FHIT: variants seen among roughly 807,000 people sequenced by gnomAD.
FHIT encodes the protein fragile histidine triad diadenosine triphosphatase, also known as bis(5'-adenosyl)-triphosphatase.
A neutral mutation model predicts 17.9 loss-of-function variants in FHIT; 19 were observed. The observed-to-expected ratio is 1.06, with a 90% CI of 0.74 to 1.56. The LOEUF (loss-of-function observed/expected upper bound fraction) is 1.56, where lower values mean the gene tolerates loss of function less well. Among genes scored for constraint, FHIT ranks in the 40% most tolerant of loss-of-function variants. The pLI is 0.00. For missense variants in FHIT, 248 were observed against 189.2 expected, an observed-to-expected ratio of 1.31 and a Z score of -1.82; for synonymous variants, 81 against 69.7, an observed-to-expected ratio of 1.16 and a Z score of -0.81.
chr3:61,143,133 T>C (rs978480446), intron 2 of FHIT, among the ~76,000 whole-genome samples: 1 of 152,212 alleles, frequency 6.6e-6, no homozygotes, highest in African/African-American at 2.4e-5. Context: ...CCAACTGCTT[T>C]TTAAATTACA....
In FHIT at chr3:60,958,486, T is replaced by C. The variant is rs73836070; in HGVS notation, c.-111+83561A>G. Among the ~76,000 whole-genome samples, 904 of 152,370 alleles carry C rather than the reference T, an allele frequency of 5.9e-3. 7 individuals are homozygous for C. The highest frequency in any genetic ancestry group is 0.021 in the African/African-American group (872 of 41,586). On this transcript the variant is annotated intron_variant, in intron 3 of 9. Coordinates refer to ENST00000492590, the MANE Select transcript of FHIT (RefSeq NM_002012.4). The stretch of plus-strand genomic sequence containing the variant: ...TAGTATTATTTATACTTAAGTCTTG[T>C]TCTTTAGCAATTATTAAAGGTTACA...
chr3:60,612,816 A>G (rs944824986), intron 4 of FHIT, among the ~76,000 whole-genome samples: 2 of 152,238 alleles, frequency 1.3e-5, no homozygotes, highest in Non-Finnish European at 2.9e-5. Context: ...GCTGTGGCAG[A>G]CATTATTAAT....
chr3:60,066,705 G>C (rs963667078), intron 5 of FHIT, among the ~76,000 whole-genome samples: 40 of 123,796 alleles, frequency 3.2e-4, no homozygotes, highest in African/African-American at 1.2e-3. Context: ...CACCCAGGCT[G>C]GAGTGCAGAG....
At chr3:61,080,091 G>T (rs2035089635) in intron 2 of FHIT, among the ~76,000 whole-genome samples, 1 of 151,994 alleles carries the variant, frequency 6.6e-6, no homozygotes, top group African/African-American at 2.4e-5. Flanking sequence ...CACACAGAAA[G>T]CATTCATATT....
At chr3:60,314,063 G>A (rs572903037) in intron 5 of FHIT, among the ~76,000 whole-genome samples, 3 of 152,026 alleles carry the variant, frequency 2.0e-5, no homozygotes, top group Admixed American at 2.0e-4. Context: ...AAATGAAGCC[G>A]AATAGTTTAA....
chr3:60,200,205 G>A (rs761674806), intron 5 of FHIT, among the ~76,000 whole-genome samples: 1 of 152,148 alleles, frequency 6.6e-6, no homozygotes, highest in Non-Finnish European at 1.5e-5. Context: ...ACACTGGATT[G>A]TGGGTGCTCC....
chr3:60,241,956 G>C (rs1705151444), intron 5 of FHIT, among the ~76,000 whole-genome samples: 1 of 151,938 alleles, frequency 6.6e-6, no homozygotes, highest in Admixed American at 6.6e-5. Flanking sequence ...TAGCTCCTAG[G>C]TAGAGAAAAA....
intron 5 of FHIT, among the ~76,000 whole-genome samples, chr3:60,122,956 T>C (rs1478078091): frequency 1.3e-5 from 2 of 152,232 alleles, no homozygotes; most frequent in African/African-American, 2.4e-5. Flanking sequence ...TTTTGGCTTC[T>C]AGTGCTGAGC....
At chr3:59,888,074 C>T (rs1177663547) in intron 8 of FHIT, among the ~76,000 whole-genome samples, 3 of 152,108 alleles carry the variant, frequency 2.0e-5, no homozygotes, top group African/African-American at 7.2e-5. Context: ...TAACTTTTAT[C>T]CCCAATTTGT....
chr3:60,067,948 C>G (rs1702591082), intron 5 of FHIT, among the ~76,000 whole-genome samples: 1 of 152,130 alleles, frequency 6.6e-6, no homozygotes, highest in East Asian at 1.9e-4. Context: ...CAACAAATCA[C>G]TCAGGGGCCC....
intron 5 of FHIT, among the ~76,000 whole-genome samples, chr3:60,382,534 C>T (rs1342017981): frequency 6.6e-6 from 1 of 152,110 alleles, no homozygotes; most frequent in Non-Finnish European, 1.5e-5. Context: ...ACAAGTAACA[C>T]CGATAATTTT....
At position 60,842,063 on chromosome 3, in the gene FHIT, T is replaced by C. The variant is rs553456524; in HGVS notation, c.-110-20052A>G. On this transcript the variant is annotated intron_variant, in intron 3 of 9. Transcript: ENST00000492590. ...AGGACGCTCCGAGGGCCTACACAAC[T>C]GTCATCAAGCATGTTAGGACATCCT... Among the ~76,000 whole-genome samples, 6 of 152,236 alleles carry C rather than the reference T, an allele frequency of 3.9e-5. No individual in the cohort carries two copies. The South Asian group carries it at 1.0e-3, about 26-fold the overall frequency.
At position 60,324,359 on chromosome 3, in the gene FHIT, T is replaced by A. The variant is rs1424157605; in HGVS notation, c.103+212501A>T. 1.1e-4 allele frequency among the ~76,000 whole-genome samples: 3 copies of A among 26,550 alleles called. No homozygotes were observed. The Admixed American group carries it at 1.5e-3, about 13-fold the overall frequency. The allele number at this position is 26,550 out of a possible 152,430, so 17.4% of individuals were successfully genotyped here. On this transcript the variant is annotated intron_variant, in intron 5 of 9. Transcript: ENST00000492590. Reference sequence around the variant, plus strand: ...CCAGAACTTTGGAGGCTGAGGCTGGTGAATCATGAGGTCAGGAGATGGAGA... The same window carrying A: ...CCAGAACTTTGGAGGCTGAGGCTGGAGAATCATGAGGTCAGGAGATGGAGA...
At chr3:59,888,015 T>G (rs181699231) in intron 8 of FHIT, among the ~76,000 whole-genome samples, 80 of 152,304 alleles carry the variant, frequency 5.3e-4, no homozygotes, top group Non-Finnish European at 1.0e-3. Context: ...AATTCAGTCT[T>G]TTTTCTTGGG....
intron 8 of FHIT, among the ~76,000 whole-genome samples, chr3:59,821,358 A>G (rs1226183493): frequency 6.6e-6 from 1 of 152,214 alleles, no homozygotes; most frequent in African/African-American, 2.4e-5. Context: ...GTCGGGGTAA[A>G]GAGTGCTCTG....
chr3:60,233,148 A>G (rs969181476), intron 5 of FHIT, among the ~76,000 whole-genome samples: 3 of 152,166 alleles, frequency 2.0e-5, no homozygotes, highest in Non-Finnish European at 2.9e-5. Flanking sequence ...TTCTATTTTC[A>G]TATCTTATAA....
At chr3:59,999,514 A>G (rs756583465) in intron 7 of FHIT, among the ~76,000 whole-genome samples, 28 of 152,170 alleles carry the variant, frequency 1.8e-4, no homozygotes, top group Non-Finnish European at 2.4e-4. Context: ...AGTTAAGCAT[A>G]TTAAGAAACA....
intron 5 of FHIT, among the ~76,000 whole-genome samples, chr3:60,030,301 A>T (rs969287076): frequency 2.0e-5 from 3 of 152,194 alleles, no homozygotes; most frequent in Non-Finnish European, 4.4e-5. Flanking sequence ...CAAAAAACAG[A>T]ATGCAGCTAT....
intron 3 of FHIT, among the ~76,000 whole-genome samples, chr3:61,008,700 G>A (rs1288669584): frequency 6.6e-6 from 1 of 152,116 alleles, no homozygotes; most frequent in Non-Finnish European, 1.5e-5. Flanking sequence ...CTTAATGAGG[G>A]AGGGACATTA....
Sources: gnomAD v4.1 joint callset for allele counts (sites outside exome capture counted in the v4.1 genomes callset) on GRCh38, gnomAD v4.1.1 for gene constraint, MANE v1.5 for transcripts, NCBI Gene and HGNC (gene_info 2026-07-23, HGNC 2026-07-21) for gene names.